Variants in RELN observed in about 807,000 individuals in gnomAD.
The protein encoded by RELN is reelin.
Under a neutral mutation model 427.6 loss-of-function variants are expected in RELN, and 108 were observed. The ratio of observed to expected loss-of-function variants is 0.25; its 90% confidence interval spans 0.22 to 0.30. RELN has a LOEUF of 0.30. RELN is among the 10% of genes least tolerant of loss of function. RELN has a pLI of 1.00. For synonymous variants in RELN, 1,524 were observed against 1,513.4 expected, an observed-to-expected ratio of 1.01 and a Z score of -0.16; for missense variants, 3,715 against 4,302.8, an observed-to-expected ratio of 0.86 and a Z score of 3.82.
Position 103,566,318 on chromosome 7 carries a change from T to C in RELN, c.4842A>G (p.Ile1614Met). The C allele has an allele frequency of 1.9e-6, 3 of 1,614,072 alleles. No homozygotes were observed. Among genetic ancestry groups the C allele is most frequent in the Non-Finnish European group, 2.5e-6 (3 of 1,179,954 alleles). ...TTCGATACCAGTTGGCTTGCAAATCTATAGAGCCATCAAATTTGTCTTGAA... is the reference window on the plus strand; with the variant it reads ...TTCGATACCAGTTGGCTTGCAAATCCATAGAGCCATCAAATTTGTCTTGAA... The part of the protein sequence containing the change: ...TGFQDKFDGS[I>M]DLQANWYRIQ... Residue 1614 changes from isoleucine to methionine, a missense_variant, in exon 33 of 65, where the codon ATA becomes ATG. Around this residue, in one of 4 missense-constraint regions of RELN, gnomAD observed 2,208 missense variants for 2,361.7 expected, o/e 0.93. Coordinates refer to ENST00000428762, the MANE Select transcript of RELN (RefSeq NM_005045.4).
chr7:103,549,669 G>T (rs1830370683), intron 41 of RELN, among the ~76,000 whole-genome samples: 1 of 152,208 alleles, frequency 6.6e-6, no homozygotes, highest in African/African-American at 2.4e-5. Flanking sequence ...GCCAAGTGAT[G>T]TTAATGTGAA....
At chr7:103,948,958 T>C (rs927999477) in intron 1 of RELN, among the ~76,000 whole-genome samples, 1 of 144,264 alleles carries the variant, frequency 6.9e-6, no homozygotes, top group Non-Finnish European at 1.5e-5. Flanking sequence ...AATACTGCAA[T>C]GAGCCTCGGC....
intron 3 of RELN, among the ~76,000 whole-genome samples, chr7:103,792,424 C>G (rs185431063): frequency 6.6e-6 from 1 of 152,120 alleles, no homozygotes; most frequent in East Asian, 1.9e-4. Flanking sequence ...GCTACAATAT[C>G]AATCAACCTT....
chr7:103,628,367 C>T (rs996486436), intron 20 of RELN: 4 of 152,126 alleles, frequency 2.6e-5, no homozygotes, highest in East Asian at 1.9e-4. Context: ...GTGACAAGAA[C>T]GAAACTCTGT....
intron 11 of RELN, among the ~76,000 whole-genome samples, chr7:103,669,495 C>T (rs1410615063): frequency 6.6e-6 from 1 of 152,136 alleles, no homozygotes; most frequent in East Asian, 1.9e-4. Flanking sequence ...CAGGTAGAGT[C>T]TTTACTCCCC....
intron 46 of RELN, among the ~76,000 whole-genome samples, chr7:103,534,022 A>C (rs977470555): frequency 4.6e-5 from 7 of 152,232 alleles, no homozygotes; most frequent in African/African-American, 1.7e-4. Context: ...CAGTTAATAT[A>C]GTCTCGTACC....
chr7:103,621,977 C>A (rs1427154197), intron 20 of RELN, among the ~76,000 whole-genome samples: 4 of 152,176 alleles, frequency 2.6e-5, no homozygotes, highest in Non-Finnish European at 4.4e-5. Flanking sequence ...GATCGTGACA[C>A]TGCACTCCAG....
intron 6 of RELN, among the ~76,000 whole-genome samples, chr7:103,742,018 G>A (rs912066547): frequency 6.6e-6 from 1 of 152,124 alleles, no homozygotes; most frequent in Admixed American, 6.5e-5. Flanking sequence ...GCACCCCCCA[G>A]TAGGGGCGGA....
intron 46 of RELN, among the ~76,000 whole-genome samples, 165 bp downstream of exon 46, chr7:103,535,151 T>C (rs1830020611): frequency 6.6e-6 from 1 of 152,158 alleles, no homozygotes; most frequent in Non-Finnish European, 1.5e-5. Flanking sequence ...TAAAAACTGG[T>C]TTCTATTTTA....
intron 51 of RELN, among the ~76,000 whole-genome samples, chr7:103,507,722 C>CA (rs1243952451): frequency 6.6e-6 from 1 of 151,762 alleles, no homozygotes; most frequent in East Asian, 1.9e-4. Flanking sequence ...AAATACCCTT[C>CA]AAAAAAATCA....
intron 25 of RELN, 61 bp downstream of exon 25, chr7:103,596,395 C>G: frequency 7.0e-7 from 1 of 1,435,320 alleles, no homozygotes. Flanking sequence ...AACACATCAA[C>G]AATGATTTAA....
intron 2 of RELN, among the ~76,000 whole-genome samples, chr7:103,853,480 A>T (rs1793872743): frequency 6.6e-6 from 1 of 151,906 alleles, no homozygotes; most frequent in Non-Finnish European, 1.5e-5. Flanking sequence ...TATGTAGAAA[A>T]TATTATCTTT....
chr7:103,485,646 C>G (rs775106592), intron 61 of RELN, among the ~76,000 whole-genome samples: 2 of 152,158 alleles, frequency 1.3e-5, no homozygotes, highest in African/African-American at 2.4e-5. Flanking sequence ...AGTCACTTCC[C>G]TAGTCCATTT....
chr7:103,661,689 A>G lies in RELN; in HGVS notation c.1290-162T>C, dbSNP rs187999683. 3.2e-3 allele frequency among the ~76,000 whole-genome samples: 487 copies of G among 152,360 alleles called. No individual in the cohort carries two copies. Among genetic ancestry groups the G allele is most frequent in the African/African-American group, 0.011 (450 of 41,588 alleles). On this transcript the variant is annotated intron_variant, in intron 11 of 64. Coordinates refer to ENST00000428762, the MANE Select transcript of RELN (RefSeq NM_005045.4). The stretch of plus-strand genomic sequence containing the variant: ...TTTAGGCAATGATTAAACTTTAAAC[A>G]CAAATTTTAGGTAGTGAATACACTT...
intron 1 of RELN, among the ~76,000 whole-genome samples, chr7:103,934,525 A>G (rs894923658): frequency 6.6e-6 from 1 of 152,194 alleles, no homozygotes; most frequent in African/African-American, 2.4e-5. Context: ...CCAGCTTCCC[A>G]GCCTCAGAAT....
chr7:103,849,257 A>G (rs2116457927), intron 2 of RELN, among the ~76,000 whole-genome samples: 1 of 152,292 alleles, frequency 6.6e-6, no homozygotes, highest in African/African-American at 2.4e-5. Context: ...GTCATTATTG[A>G]TTACTTTCCC....
At chr7:103,592,964 A>T (rs1396180026) in intron 27 of RELN, among the ~76,000 whole-genome samples, 4 of 152,184 alleles carry the variant, frequency 2.6e-5, no homozygotes, top group Non-Finnish European at 1.5e-5. Context: ...ATTGTATTTG[A>T]AGAGCTGCCT....
intron 6 of RELN, among the ~76,000 whole-genome samples, chr7:103,743,060 T>A (rs1380367110): frequency 6.7e-6 from 1 of 149,436 alleles, no homozygotes; most frequent in East Asian, 1.9e-4. Flanking sequence ...TAACAGCTGA[T>A]CTCTCAGCAG....
chr7:103,794,822 T>C (rs1792259572), intron 3 of RELN, among the ~76,000 whole-genome samples: 1 of 152,074 alleles, frequency 6.6e-6, no homozygotes, highest in Non-Finnish European at 1.5e-5. Context: ...AACAAAAAAA[T>C]GTCTCCAGAT....
Sources: allele counts gnomAD v4.1 joint callset (sites outside exome capture counted in the v4.1 genomes callset), GRCh38; gene constraint gnomAD v4.1.1; regional missense constraint gnomAD v4.1.1; transcripts MANE v1.5; gene names NCBI Gene and HGNC (gene_info 2026-07-23, HGNC 2026-07-21).